PKP4: variants seen among roughly 807,000 people sequenced by gnomAD.
The protein encoded by PKP4 is plakophilin-4.
Under a neutral mutation model 145.1 loss-of-function variants are expected in PKP4, and 90 were observed. The observed-to-expected ratio is 0.62, with a 90% CI of 0.52 to 0.74. PKP4 has a LOEUF of 0.74. Among genes scored for constraint, PKP4 ranks in the 30% least tolerant of loss-of-function variants. PKP4 has a pLI of 0.00. For missense variants in PKP4, 1,340 were observed against 1,482.7 expected (o/e 0.90, Z 1.58); for synonymous variants, 563 against 577.2 (o/e 0.98, Z 0.35).
At chr2:158,496,501 C>G (rs547792725) in intron 1 of PKP4, among the ~76,000 whole-genome samples, 3 of 152,166 alleles carry the variant, frequency 2.0e-5, no homozygotes, top group African/African-American at 7.2e-5. Flanking sequence ...CATTCTTTTT[C>G]CTCATGGTCC....
At chr2:158,568,973 C>CA (rs1000368516) in intron 2 of PKP4, among the ~76,000 whole-genome samples, 239 of 151,638 alleles carry the variant, frequency 1.6e-3, no homozygotes, top group African/African-American at 2.9e-3. Context: ...AATCTTTCTC[C>CA]AAAAAAAAGC....
chr2:158,560,202 T>C (rs955223411), intron 2 of PKP4, among the ~76,000 whole-genome samples: 4 of 152,170 alleles, frequency 2.6e-5, no homozygotes, highest in Non-Finnish European at 5.9e-5. Flanking sequence ...GCTGGCTATA[T>C]AAAGAAATCA....
chr2:158,537,283 A>G (rs186940904), intron 2 of PKP4, among the ~76,000 whole-genome samples: 1 of 152,338 alleles, frequency 6.6e-6, no homozygotes, highest in East Asian at 1.9e-4. Flanking sequence ...ATTTTATTTC[A>G]TATCTATGGT....
At chr2:158,678,738 G>A in intron 21 of PKP4, 84 bp downstream of exon 21, 1 of 897,860 alleles carries the variant, frequency 1.1e-6, no homozygotes. Flanking sequence ...TCCCAGAGCT[G>A]GGCCAACATG....
intron 4 of PKP4, among the ~76,000 whole-genome samples, chr2:158,603,750 C>T (rs1203871078): frequency 6.6e-6 from 1 of 152,174 alleles, no homozygotes; most frequent in Admixed American, 6.5e-5. Context: ...GCATAACACA[C>T]ACTTGTCCCT....
chr2:158,653,228 G>C (rs1045790606), intron 11 of PKP4, among the ~76,000 whole-genome samples: 1 of 114,940 alleles, frequency 8.7e-6, no homozygotes, highest in Admixed American at 1.0e-4. Flanking sequence ...CAGAGAAATC[G>C]CATTTTCCAA....
chr2:158,629,892 C>G (rs1451839408), intron 7 of PKP4, among the ~76,000 whole-genome samples: 2 of 152,054 alleles, frequency 1.3e-5, no homozygotes, highest in African/African-American at 4.8e-5. Context: ...TGCCACCATG[C>G]CCAGCTAATT....
At chr2:158,552,764 T>C (rs1373266985) in intron 2 of PKP4, among the ~76,000 whole-genome samples, 1 of 152,242 alleles carries the variant, frequency 6.6e-6, no homozygotes, top group Non-Finnish European at 1.5e-5. Flanking sequence ...TACACTATAC[T>C]GTAGTCTATT....
intron 1 of PKP4, among the ~76,000 whole-genome samples, chr2:158,482,725 A>C (rs1055629722): frequency 6.6e-6 from 1 of 151,688 alleles, no homozygotes; most frequent in Admixed American, 6.6e-5. Flanking sequence ...AGTTCCAGCT[A>C]TGCAGGAGGC....
At chr2:158,658,091 GGATCTCTATTTGTTT>G (rs751514705) in intron 11 of PKP4, 25 bp from the exon 12 acceptor site, 1 of 1,121,444 alleles carries the variant, frequency 8.9e-7, no homozygotes, top group Non-Finnish European at 1.3e-6. Flanking sequence ...TAAAGCCACA[GGATCTCTATTTGTTT>G]GATTTTTTAA....
intron 7 of PKP4, among the ~76,000 whole-genome samples, chr2:158,630,624 A>G (rs535765468): frequency 1.3e-5 from 2 of 152,358 alleles, no homozygotes; most frequent in African/African-American, 4.8e-5. Context: ...CAAGTACATT[A>G]TATAGGCGTT....
At chr2:158,539,542 G>T (rs2044338557) in intron 2 of PKP4, among the ~76,000 whole-genome samples, 1 of 152,150 alleles carries the variant, frequency 6.6e-6, no homozygotes, top group African/African-American at 2.4e-5. Flanking sequence ...GAAGTCTTGT[G>T]CTGTAAGTAC....
intron 2 of PKP4, among the ~76,000 whole-genome samples, chr2:158,565,680 C>A (rs1314377065): frequency 6.6e-6 from 1 of 152,088 alleles, no homozygotes; most frequent in Non-Finnish European, 1.5e-5. Flanking sequence ...GACCCAAAGA[C>A]TGAAATCAGG....
chr2:158,680,191 C>T (rs112685791), intron 21 of PKP4, among the ~76,000 whole-genome samples: 92 of 152,296 alleles, frequency 6.0e-4, no homozygotes, highest in African/African-American at 2.1e-3. Context: ...TCTTGAGGCA[C>T]CTGCTTCTCT....
chr2:158,555,570 G>A (rs796634759), intron 2 of PKP4, among the ~76,000 whole-genome samples: 3 of 152,220 alleles, frequency 2.0e-5, no homozygotes, highest in African/African-American at 7.2e-5. Context: ...ATGTTTTACT[G>A]CCTGCAACAC....
At chr2:158,461,135 T>C (rs1689702602) in intron 1 of PKP4, among the ~76,000 whole-genome samples, 1 of 152,218 alleles carries the variant, frequency 6.6e-6, no homozygotes, top group Non-Finnish European at 1.5e-5. Context: ...ATGTACTTGC[T>C]GGTTTCAGTT....
At position 158,658,172 on chromosome 2, in the gene PKP4, A is replaced by ACAAT. The variant is rs747934113; in HGVS notation, c.1954_1957dup (p.Ile653AsnfsTer22). The ACAAT allele has an allele frequency of 6.2e-7, 1 of 1,607,554 alleles. No individual in the cohort carries two copies. Among genetic ancestry groups the ACAAT allele is most frequent in the African/African-American group, 1.3e-5 (1 of 74,812 alleles). On this transcript the variant is annotated frameshift_variant, in exon 12 of 22. Transcript: ENST00000389759. LOFTEE classifies it high-confidence loss of function. The stretch of plus-strand genomic sequence containing the variant: ...ATCCTCATGTGATGCTGTAAAAATG[A>ACAAT]CAATCATTCGAGATGCTCTCTCAAC...
intron 1 of PKP4, among the ~76,000 whole-genome samples, chr2:158,477,195 C>A (rs1269247159): frequency 2.0e-5 from 3 of 152,024 alleles, no homozygotes; most frequent in Admixed American, 2.0e-4. Flanking sequence ...AGCTTTTAGA[C>A]CAAGGAAAGA....
intron 4 of PKP4, among the ~76,000 whole-genome samples, chr2:158,618,549 G>A (rs1055148194): frequency 6.6e-6 from 1 of 152,114 alleles, no homozygotes; most frequent in African/African-American, 2.4e-5. Context: ...TTTTATTAGG[G>A]CAACCAGTAT....
Sources: allele counts gnomAD v4.1 joint callset (sites outside exome capture counted in the v4.1 genomes callset), GRCh38; gene constraint gnomAD v4.1.1; transcripts MANE v1.5; gene names NCBI Gene and HGNC (gene_info 2026-07-23, HGNC 2026-07-21).